Variants in PALM2AKAP2 observed in about 807,000 individuals in gnomAD.
PALM2AKAP2 encodes PALM2 and AKAP2 fusion.
Under a neutral mutation model 71.5 loss-of-function variants are expected in PALM2AKAP2, and 37 were observed. The observed-to-expected ratio is 0.52, with a 90% CI of 0.40 to 0.68. The LOEUF (loss-of-function observed/expected upper bound fraction) is 0.68. Ranked by LOEUF, PALM2AKAP2 falls within the 30% of genes least tolerant of loss-of-function variation. PALM2AKAP2 has a pLI of 0.00. For synonymous variants in PALM2AKAP2, 468 were observed against 478.8 expected (o/e 0.98, Z 0.29); for missense variants, 1,224 against 1,191.8 (o/e 1.03, Z -0.40).
At chr9:110,108,166 A>G (rs1564309173) in intron 1 of PALM2AKAP2, among the ~76,000 whole-genome samples, 1 of 131,244 alleles carries the variant, frequency 7.6e-6, no homozygotes, top group Non-Finnish European at 1.5e-5. Flanking sequence ...CCCAGGCTGG[A>G]GTGCAATGGC....
At chr9:109,926,534 G>A (rs868397732) in intron 5 of PALM2AKAP2, among the ~76,000 whole-genome samples, 40 of 152,256 alleles carry the variant, frequency 2.6e-4, no homozygotes, top group African/African-American at 8.7e-4. Flanking sequence ...TGTGGGTACA[G>A]CATGGGGAGG....
At chr9:109,917,928 T>C (rs1460835852) in intron 3 of PALM2AKAP2, among the ~76,000 whole-genome samples, 3 of 152,160 alleles carry the variant, frequency 2.0e-5, no homozygotes, top group Admixed American at 2.0e-4. Flanking sequence ...CAGGTGGGCA[T>C]GTTGCCATCC....
intron 1 of PALM2AKAP2, among the ~76,000 whole-genome samples, chr9:109,819,644 C>T (rs1317340416): frequency 1.3e-5 from 2 of 152,052 alleles, no homozygotes; most frequent in Admixed American, 1.3e-4. Context: ...CATCATTGAG[C>T]TCTGCCAAGG....
chr9:109,650,227 C>A (rs1300647655), intron 1 of PALM2AKAP2, among the ~76,000 whole-genome samples: 1 of 151,918 alleles, frequency 6.6e-6, no homozygotes, highest in Non-Finnish European at 1.5e-5. Flanking sequence ...AAACATTGGG[C>A]CTTTGTGTAC....
chr9:109,720,822 T>G (rs1164710613), intron 1 of PALM2AKAP2, among the ~76,000 whole-genome samples: 1 of 152,246 alleles, frequency 6.6e-6, no homozygotes, highest in African/African-American at 2.4e-5. Flanking sequence ...GTGGATGCAT[T>G]GATTCTTTCA....
exon 4 of PALM2AKAP2, chr9:110,168,614 T>G: frequency 8.2e-7 from 1 of 1,222,732 alleles, no homozygotes; most frequent in Admixed American, 2.7e-5. Flanking sequence ...TCAGCAATCC[T>G]TATGTAGACC....
chr9:110,061,629 ATATT>A (rs1427368820), intron 1 of PALM2AKAP2, among the ~76,000 whole-genome samples: 2 of 148,046 alleles, frequency 1.4e-5, no homozygotes, highest in African/African-American at 4.9e-5. Flanking sequence ...TAAAATATAT[ATATT>A]TATTTATATA....
chr9:109,890,303 T>C (rs1025800243), intron 3 of PALM2AKAP2, among the ~76,000 whole-genome samples: 15 of 152,162 alleles, frequency 9.9e-5, no homozygotes, highest in African/African-American at 3.4e-4. Flanking sequence ...CTTTTCACTG[T>C]GTAGGCCACA....
chr9:110,017,657 G>C (rs746853603), intron 7 of PALM2AKAP2, among the ~76,000 whole-genome samples: 17 of 152,092 alleles, frequency 1.1e-4, no homozygotes, highest in Non-Finnish European at 2.5e-4. Context: ...TGTAGCTGCA[G>C]ATGTGGTACA....
intron 1 of PALM2AKAP2, among the ~76,000 whole-genome samples, chr9:109,710,542 G>GT (rs1012781715): frequency 6.6e-6 from 1 of 152,164 alleles, no homozygotes; most frequent in African/African-American, 2.4e-5. Flanking sequence ...TTGAGCATCA[G>GT]TTTTTTTCAC....
chr9:109,892,960 A>AT (rs1178066091), intron 3 of PALM2AKAP2, among the ~76,000 whole-genome samples: 1 of 152,116 alleles, frequency 6.6e-6, no homozygotes, highest in African/African-American at 2.4e-5. Context: ...AAATTGTTTG[A>AT]TTTTATCAGA....
intron 6 of PALM2AKAP2, among the ~76,000 whole-genome samples, chr9:109,976,708 C>G (rs1262718098): frequency 6.6e-6 from 1 of 152,184 alleles, no homozygotes; most frequent in African/African-American, 2.4e-5. Context: ...GTGCTAGGTA[C>G]TGAACTAAGT....
At chr9:109,922,294 T>C (rs987623697) in intron 3 of PALM2AKAP2, among the ~76,000 whole-genome samples, 3 of 151,038 alleles carry the variant, frequency 2.0e-5, no homozygotes, top group Non-Finnish European at 4.4e-5. Context: ...TGGTGGTGTG[T>C]GCCTTTAGTC....
chr9:109,737,895 A>G (rs1828660298), intron 1 of PALM2AKAP2, among the ~76,000 whole-genome samples: 1 of 152,254 alleles, frequency 6.6e-6, no homozygotes, highest in Non-Finnish European at 1.5e-5. Flanking sequence ...CAAAACCATC[A>G]TAACATTTGG....
chr9:109,929,114 A>T (rs1442155682), intron 5 of PALM2AKAP2, among the ~76,000 whole-genome samples: 1 of 152,070 alleles, frequency 6.6e-6, no homozygotes, highest in East Asian at 1.9e-4. Context: ...AGGCTGAGAC[A>T]TAAGCCCTGG....
chr9:110,025,042 A>T, intron 7 of PALM2AKAP2: 1 of 1,243,426 alleles, frequency 8.0e-7, no homozygotes, highest in South Asian at 1.2e-5. Context: ...TCCTTCACAC[A>T]TTTCAGGAAG....
intron 1 of PALM2AKAP2, among the ~76,000 whole-genome samples, chr9:109,730,268 C>T (rs1294655903): frequency 6.6e-6 from 1 of 152,176 alleles, no homozygotes; most frequent in African/African-American, 2.4e-5. Context: ...AATGACAAAC[C>T]TTCACAATAA....
chr9:110,147,045 G>A (rs1836191106), intron 2 of PALM2AKAP2, among the ~76,000 whole-genome samples: 1 of 152,092 alleles, frequency 6.6e-6, no homozygotes, highest in African/African-American at 2.4e-5. Context: ...GAGGTCAGGA[G>A]TTCGAGACCA....
chr9:109,925,166 A>G (rs1830927640), intron 5 of PALM2AKAP2, 84 bp downstream of exon 5: 1 of 1,593,130 alleles, frequency 6.3e-7, no homozygotes, highest in Non-Finnish European at 8.6e-7. Context: ...CTTAAGGAAG[A>G]GGTACTGTGT....
Sources: allele counts gnomAD v4.1 joint callset (sites outside exome capture counted in the v4.1 genomes callset), GRCh38; gene constraint gnomAD v4.1.1; transcripts MANE v1.5; gene names NCBI Gene and HGNC (gene_info 2026-07-23, HGNC 2026-07-21).